Variants in FMNL2 observed in about 807,000 individuals in gnomAD.
FMNL2 encodes formin like 2.
FMNL2 carries 51 observed loss-of-function variants against 130.2 expected under a neutral mutation model. The ratio of observed to expected loss-of-function variants is 0.39; its 90% CI spans 0.31 to 0.49. The LOEUF is 0.49. FMNL2 is among the 20% of genes least tolerant of loss of function. The pLI is 0.85. For synonymous variants in FMNL2, 465 were observed against 467.1 expected (o/e 1.00, Z 0.06); for missense variants, 977 against 1,316.2 (o/e 0.74, Z 3.99).
At chr2:152,432,571 A>G (rs1687554878) in intron 1 of FMNL2, among the ~76,000 whole-genome samples, 1 of 152,172 alleles carries the variant, frequency 6.6e-6, no homozygotes. Context: ...AAAGCTCTAA[A>G]TTTGTACCTT....
intron 1 of FMNL2, among the ~76,000 whole-genome samples, chr2:152,498,591 G>A (rs548611289): frequency 2.0e-5 from 3 of 151,888 alleles, no homozygotes; most frequent in East Asian, 1.9e-4. Context: ...TGTTTAAGTC[G>A]TATTACTTCT....
At chr2:152,590,030 T>C (rs1697342306) in intron 9 of FMNL2, among the ~76,000 whole-genome samples, 1 of 138,686 alleles carries the variant, frequency 7.2e-6, no homozygotes, top group African/African-American at 2.6e-5. Context: ...TATATATACA[T>C]ATACATACAT....
intron 9 of FMNL2, among the ~76,000 whole-genome samples, chr2:152,582,765 A>C (rs563852869): frequency 1.3e-5 from 2 of 152,206 alleles, no homozygotes; most frequent in East Asian, 3.8e-4. Flanking sequence ...TATAACGCCC[A>C]AATCTTTATC....
chr2:152,536,508 CATT>C (rs1694003363), intron 2 of FMNL2, among the ~76,000 whole-genome samples: 1 of 152,192 alleles, frequency 6.6e-6, no homozygotes, highest in African/African-American at 2.4e-5. Context: ...AGTGTAGTGA[CATT>C]ATGTGAACAA....
chr2:152,395,628 T>C (rs576571568), intron 1 of FMNL2, among the ~76,000 whole-genome samples: 1 of 152,334 alleles, frequency 6.6e-6, no homozygotes, highest in African/African-American at 2.4e-5. Flanking sequence ...TTTGTTCAAC[T>C]TCCCCACCCA....
chr2:152,627,728 A>G (rs1681893361), intron 17 of FMNL2, among the ~76,000 whole-genome samples: 1 of 152,254 alleles, frequency 6.6e-6, no homozygotes, highest in Non-Finnish European at 1.5e-5. Context: ...CAAATTAAGC[A>G]TATATCCAAA....
At chr2:152,559,011 C>G (rs977005679) in intron 5 of FMNL2, among the ~76,000 whole-genome samples, 188 bp downstream of exon 5, 1 of 151,964 alleles carries the variant, frequency 6.6e-6, no homozygotes, top group Non-Finnish European at 1.5e-5. Flanking sequence ...GCCTTTAAGG[C>G]AGAAGTAAAA....
intron 6 of FMNL2, among the ~76,000 whole-genome samples, chr2:152,561,379 A>G (rs538653600): frequency 6.6e-6 from 1 of 152,128 alleles, no homozygotes; most frequent in Non-Finnish European, 1.5e-5. Flanking sequence ...GGGTAGAGGC[A>G]GCACTTAGAG....
At chr2:152,513,558 AG>A (rs1272050770) in intron 1 of FMNL2, among the ~76,000 whole-genome samples, 1 of 152,210 alleles carries the variant, frequency 6.6e-6, no homozygotes, top group African/African-American at 2.4e-5. Context: ...AAGACAGAAC[AG>A]AATGAATGTA....
intron 1 of FMNL2, among the ~76,000 whole-genome samples, chr2:152,410,922 C>T (rs969382819): frequency 2.6e-5 from 4 of 152,234 alleles, no homozygotes; most frequent in Non-Finnish European, 4.4e-5. Flanking sequence ...GTTCCCTTTG[C>T]CCCAAATTAT....
In FMNL2 at chr2:152,588,634, G is replaced by A. The variant is rs72869570; in HGVS notation, c.876+7585G>A. 8.8e-4 allele frequency among the ~76,000 whole-genome samples: 134 copies of A among 152,222 alleles called. 1 individual carries two copies. Among genetic ancestry groups the A allele is most frequent in the Admixed American group, 1.8e-3 (28 of 15,292 alleles). ...ACACCAGATAAAAAGGAGTGAGGAT[G>A]TCATTTTATACCAAGAAGGTAGTAT... is the stretch of plus-strand genomic sequence containing the variant. On this transcript the variant is annotated intron_variant, in intron 9 of 25. Transcript: ENST00000288670.
chr2:152,454,469 CT>C (rs34213183), intron 1 of FMNL2, among the ~76,000 whole-genome samples: 90,973 of 151,950 alleles, frequency 0.6, 29,453 homozygotes, highest in East Asian at 0.97. Flanking sequence ...GAAAATATCT[CT>C]TTTGGGTGGG....
intron 6 of FMNL2, among the ~76,000 whole-genome samples, chr2:152,564,500 T>G (rs1255195704): frequency 6.6e-6 from 1 of 152,106 alleles, no homozygotes; most frequent in African/African-American, 2.4e-5. Context: ...GGTGGGAGGA[T>G]CACTTGAAGT....
intron 1 of FMNL2, among the ~76,000 whole-genome samples, chr2:152,519,861 CAA>C (rs944181763): frequency 1.6e-4 from 25 of 152,094 alleles, no homozygotes; most frequent in African/African-American, 5.6e-4. Context: ...AGTGAGGACT[CAA>C]GAGGAAAAGA....
At chr2:152,358,636 C>CAAA (rs33921980) in intron 1 of FMNL2, among the ~76,000 whole-genome samples, 22 of 137,940 alleles carry the variant, frequency 1.6e-4, no homozygotes, top group Non-Finnish European at 2.2e-4. Context: ...GACTGCATCT[C>CAAA]AAAAAAAAAA....
intron 1 of FMNL2, among the ~76,000 whole-genome samples, chr2:152,398,267 G>A (rs2105952088): frequency 6.6e-6 from 1 of 152,332 alleles, no homozygotes; most frequent in African/African-American, 2.4e-5. Flanking sequence ...TGGAGGTAGT[G>A]GGCTGTGTGA....
At chr2:152,498,887 C>A (rs940238293) in intron 1 of FMNL2, among the ~76,000 whole-genome samples, 1 of 152,160 alleles carries the variant, frequency 6.6e-6, no homozygotes, top group Non-Finnish European at 1.5e-5. Context: ...GTTCCTACTT[C>A]AGAAAGAGGC....
Position 152,626,617 on chromosome 2 carries a change from G to T in FMNL2, c.2055G>T (p.Gln685His), listed in dbSNP as rs761758982. Reference sequence around the variant, plus strand: ...CTTCAAGCAAACAGAAGATACCACAGAAGGGATCAAACAAAGTGACATTAC... The same window carrying T: ...CTTCAAGCAAACAGAAGATACCACATAAGGGATCAAACAAAGTGACATTAC... ...DLSSSKQKIPQKGSNKVTLLE... is the reference protein window; with the variant it reads ...DLSSSKQKIPHKGSNKVTLLE... Residue 685 changes from glutamine to histidine, a missense_variant, in exon 17 of 26, where the codon CAG becomes CAT. Around this residue, in one of 4 missense-constraint regions of FMNL2, gnomAD observed 689 missense variants for 995.9 expected, o/e 0.69. Coordinates refer to ENST00000288670, the MANE Select transcript of FMNL2 (RefSeq NM_052905.4). 1.9e-6 allele frequency: 3 copies of T among 1,612,902 alleles called. No individual in the cohort carries two copies. The South Asian group carries it at 3.3e-5, about 18-fold the overall frequency.
chr2:152,585,380 G>A (rs2105744960), intron 9 of FMNL2, among the ~76,000 whole-genome samples: 1 of 152,118 alleles, frequency 6.6e-6, no homozygotes, highest in South Asian at 2.1e-4. Context: ...ATATTTTTGA[G>A]CCCCGAGACT....
Sources: allele counts gnomAD v4.1 joint callset (sites outside exome capture counted in the v4.1 genomes callset), GRCh38; gene constraint gnomAD v4.1.1; regional missense constraint gnomAD v4.1.1; transcripts MANE v1.5; gene names NCBI Gene and HGNC (gene_info 2026-07-23, HGNC 2026-07-21).